The following BTBD10 variants were observed in gnomAD, a reference collection of about 807,000 sequenced individuals.
BTBD10 encodes BTB domain containing 10.
BTBD10 carries 21 observed loss-of-function variants against 53.2 expected under a neutral mutation model. That is an observed-to-expected ratio of 0.39 (90% CI 0.28 to 0.57). BTBD10 has a LOEUF of 0.57. Among genes scored for constraint, BTBD10 ranks in the 20% least tolerant of loss-of-function variants. The pLI, the probability that BTBD10 is intolerant of heterozygous loss-of-function variation, is 0.53. For synonymous variants in BTBD10, 149 were observed against 192.7 expected (o/e 0.77, Z 1.88); for missense variants, 360 against 594.7 (o/e 0.61, Z 4.10).
intron 8 of BTBD10, among the ~76,000 whole-genome samples, chr11:13,397,203 T>A (rs1244177086): frequency 2.0e-5 from 3 of 152,242 alleles, no homozygotes; most frequent in African/African-American, 7.2e-5. Context: ...CTATTAATTA[T>A]TGCCTCAATT....
intron 2 of BTBD10, among the ~76,000 whole-genome samples, chr11:13,422,741 T>A (rs1344327706): frequency 6.6e-6 from 1 of 152,208 alleles, no homozygotes; most frequent in Non-Finnish European, 1.5e-5. Context: ...CTTTAAAATA[T>A]CTTATATATA....
intron 1 of BTBD10, among the ~76,000 whole-genome samples, chr11:13,457,335 T>G (rs1950992451): frequency 6.6e-6 from 1 of 152,214 alleles, no homozygotes; most frequent in Admixed American, 6.5e-5. Context: ...ATATATTCAC[T>G]GTGGCATTAT....
chr11:13,435,142 A>G (rs1405272302), intron 2 of BTBD10, among the ~76,000 whole-genome samples: 1 of 152,218 alleles, frequency 6.6e-6, no homozygotes, highest in African/African-American at 2.4e-5. Context: ...CAGTCACTAC[A>G]TACTTAGTAT....
chr11:13,434,593 G>A (rs978331435), intron 2 of BTBD10, among the ~76,000 whole-genome samples: 1 of 152,144 alleles, frequency 6.6e-6, no homozygotes, highest in Non-Finnish European at 1.5e-5. Flanking sequence ...ATGTTTAAAG[G>A]GTTTTGGCTT....
At chr11:13,398,526 C>A (rs1430333001) in intron 8 of BTBD10, among the ~76,000 whole-genome samples, 2 of 152,140 alleles carry the variant, frequency 1.3e-5, no homozygotes, top group Non-Finnish European at 2.9e-5. Flanking sequence ...TTAATTAGAG[C>A]ATTTAGCCCA....
intron 1 of BTBD10, among the ~76,000 whole-genome samples, chr11:13,451,548 G>A (rs1232068664): frequency 1.3e-5 from 2 of 152,194 alleles, no homozygotes; most frequent in Non-Finnish European, 2.9e-5. Flanking sequence ...GTAGTTGGAA[G>A]AAGTAAGAAA....
chr11:13,429,826 G>A (rs1258224718), intron 2 of BTBD10, among the ~76,000 whole-genome samples: 1 of 152,190 alleles, frequency 6.6e-6, no homozygotes, highest in African/African-American at 2.4e-5. Context: ...AAAAGAGGCT[G>A]TGCGCAGTGA....
chr11:13,455,947 A>C (rs1167737196), intron 1 of BTBD10, among the ~76,000 whole-genome samples: 1 of 152,168 alleles, frequency 6.6e-6, no homozygotes, highest in East Asian at 1.9e-4. Flanking sequence ...GCTCTATTAA[A>C]TATGATTCAA....
At chr11:13,395,175 C>T (rs1242116340) in intron 8 of BTBD10, among the ~76,000 whole-genome samples, 1 of 149,656 alleles carries the variant, frequency 6.7e-6, no homozygotes, top group East Asian at 2.1e-4. Context: ...TAAAAGTGTT[C>T]CTATTTCTCC....
chr11:13,413,924 T>A (rs1950025881), intron 5 of BTBD10, among the ~76,000 whole-genome samples: 1 of 152,254 alleles, frequency 6.6e-6, no homozygotes. Flanking sequence ...GGCTCCCTGT[T>A]ACCTAATTCA....
At chr11:13,425,058 A>G (rs1302178535) in intron 2 of BTBD10, among the ~76,000 whole-genome samples, 2 of 152,134 alleles carry the variant, frequency 1.3e-5, no homozygotes, top group Non-Finnish European at 2.9e-5. Flanking sequence ...TTGAGTACTG[A>G]GCTGGATACC....
intron 1 of BTBD10, among the ~76,000 whole-genome samples, chr11:13,455,133 G>T (rs1950936513): frequency 6.6e-6 from 1 of 152,218 alleles, no homozygotes; most frequent in South Asian, 2.1e-4. Context: ...GGCTGGTCTC[G>T]AACTCCTGAC....
intron 1 of BTBD10, among the ~76,000 whole-genome samples, chr11:13,449,112 C>G (rs1407378205): frequency 6.6e-6 from 1 of 151,970 alleles, no homozygotes; most frequent in Non-Finnish European, 1.5e-5. Flanking sequence ...TCTGTCTAAA[C>G]AGGAGGTGGG....
At chr11:13,406,014 T>C (rs1396228441) in intron 6 of BTBD10, among the ~76,000 whole-genome samples, 158 bp from the exon 7 acceptor site, 3 of 152,146 alleles carry the variant, frequency 2.0e-5, no homozygotes, top group African/African-American at 7.2e-5. Flanking sequence ...AAAACTAATT[T>C]GCAAAGTCAG....
chr11:13,413,451 A>C, intron 6 of BTBD10, 79 bp downstream of exon 6: 1 of 1,271,240 alleles, frequency 7.9e-7, no homozygotes, highest in Non-Finnish European at 1.1e-6. Flanking sequence ...CTAACTAGGT[A>C]AATAGCACTA....
intron 1 of BTBD10, among the ~76,000 whole-genome samples, chr11:13,461,253 TA>T (rs1268876819): frequency 1.3e-5 from 2 of 152,216 alleles, no homozygotes; most frequent in East Asian, 3.8e-4. Flanking sequence ...AGTCACATGA[TA>T]TTTTTAATGG....
chr11:13,432,693 T>C (rs1674241078), intron 2 of BTBD10, among the ~76,000 whole-genome samples: 1 of 151,412 alleles, frequency 6.6e-6, no homozygotes, highest in Non-Finnish European at 1.5e-5. Flanking sequence ...TTTAAAAAAA[T>C]TAAAGAATAA....
rs984374018 is a variant in BTBD10 at position 13,427,083 on chromosome 11, G to A, written c.102-5245C>T. On this transcript the variant is annotated intron_variant, in intron 2 of 8. Coordinates refer to ENST00000278174, the MANE Select transcript of BTBD10 (RefSeq NM_032320.7). ...AATACAAAAATTAGCTGGGTGTGGT[G>A]GCACATGCCTGTGGTCCCAGCTACT... Among the ~76,000 whole-genome samples, 3 of 152,138 alleles carry A rather than the reference G, an allele frequency of 2.0e-5. No individual in the cohort carries two copies. In the South Asian group the frequency reaches 6.2e-4, roughly 32 times the overall value.
At chr11:13,397,404 T>C (rs1188222490) in intron 8 of BTBD10, among the ~76,000 whole-genome samples, 1 of 152,228 alleles carries the variant, frequency 6.6e-6, no homozygotes, top group Non-Finnish European at 1.5e-5. Context: ...TTAACATTTT[T>C]TATTGCGTCT....
Sources: gnomAD v4.1 joint callset for allele counts (sites outside exome capture counted in the v4.1 genomes callset) on GRCh38, gnomAD v4.1.1 for gene constraint, MANE v1.5 for transcripts, NCBI Gene and HGNC (gene_info 2026-07-23, HGNC 2026-07-21) for gene names.